The following NRXN3 variants were observed in gnomAD, a reference collection of about 807,000 sequenced individuals.
The protein encoded by NRXN3 is neurexin III.
Under a neutral mutation model 137.6 loss-of-function variants are expected in NRXN3, and 32 were observed. The ratio of observed to expected loss-of-function variants is 0.23; its 90% confidence interval spans 0.18 to 0.31. The LOEUF (loss-of-function observed/expected upper bound fraction) is 0.31. Ranked by LOEUF, NRXN3 falls within the 10% of genes least tolerant of loss-of-function variation. The pLI, the probability that NRXN3 is intolerant of heterozygous loss-of-function variation, is 1.00. For missense variants in NRXN3, 1,574 were observed against 2,062.5 expected, an observed-to-expected ratio of 0.76 and a Z score of 4.59; for synonymous variants, 798 against 784.5, an observed-to-expected ratio of 1.02 and a Z score of -0.29.
At chr14:78,593,006 A>C (rs537584608) in intron 4 of NRXN3, among the ~76,000 whole-genome samples, 1 of 152,194 alleles carries the variant, frequency 6.6e-6, no homozygotes, top group Non-Finnish European at 1.5e-5. Context: ...ATTTGTGCGC[A>C]CAGGCACTGA....
intron 8 of NRXN3, among the ~76,000 whole-genome samples, chr14:78,717,030 T>A (rs984875530): frequency 6.6e-6 from 1 of 152,202 alleles, no homozygotes. Flanking sequence ...AAGGTCATTT[T>A]TGTCTCTGAG....
chr14:78,476,954 C>A (rs1046015380), intron 4 of NRXN3, among the ~76,000 whole-genome samples: 1 of 152,110 alleles, frequency 6.6e-6, no homozygotes, highest in African/African-American at 2.4e-5. Flanking sequence ...TGTCTAGTTT[C>A]CATGCAATCT....
intron 16 of NRXN3, among the ~76,000 whole-genome samples, chr14:79,552,963 G>T (rs889140706): frequency 6.6e-6 from 1 of 151,660 alleles, no homozygotes; most frequent in Non-Finnish European, 1.5e-5. Context: ...TTCAGGGAGC[G>T]GTCAAAGACC....
At chr14:79,785,603 G>GT (rs961290683) in intron 19 of NRXN3, among the ~76,000 whole-genome samples, 12 of 151,952 alleles carry the variant, frequency 7.9e-5, no homozygotes, top group South Asian at 4.2e-4. Context: ...TCAGAGCACA[G>GT]TTTTTTTTCT....
intron 15 of NRXN3, among the ~76,000 whole-genome samples, chr14:79,212,120 CCATTTGGA>C (rs1395858715): frequency 6.6e-6 from 1 of 152,150 alleles, no homozygotes; most frequent in East Asian, 1.9e-4. Context: ...TTGTCTGCTA[CCATTTGGA>C]TGTTACTATT....
intron 4 of NRXN3, among the ~76,000 whole-genome samples, chr14:78,363,718 C>A (rs1166666454): frequency 6.6e-6 from 1 of 152,188 alleles, no homozygotes; most frequent in African/African-American, 2.4e-5. Flanking sequence ...GCTTGCTCTT[C>A]CATGCATCCA....
intron 15 of NRXN3, among the ~76,000 whole-genome samples, chr14:79,343,090 G>T (rs2092695744): frequency 6.6e-6 from 1 of 152,080 alleles, no homozygotes; most frequent in Non-Finnish European, 1.5e-5. Flanking sequence ...CAGTTTGGGT[G>T]GTGTCAGCCG....
At chr14:79,463,802 CAG>C (rs2096384448) in intron 15 of NRXN3, among the ~76,000 whole-genome samples, 1 of 152,006 alleles carries the variant, frequency 6.6e-6, no homozygotes, top group South Asian at 2.1e-4. Context: ...GTACGAGGCT[CAG>C]GGGAGAAAGC....
At position 79,365,725 on chromosome 14, in the gene NRXN3, C is replaced by CAAAAAAAAA. The variant is rs569855024; in HGVS notation, c.3263-101485_3263-101477dup. On this transcript the variant is annotated intron_variant, in intron 15 of 20. Coordinates refer to ENST00000335750, the MANE Select transcript of NRXN3 (RefSeq NM_001330195.2). ...TGGGCGACAGAGCGAGACTCTGTCT[C>CAAAAAAAAA]AAAAAAAAAAAAAAAAAAAGAAAAA... Among the ~76,000 whole-genome samples, 240 of 42,116 alleles carry CAAAAAAAAA rather than the reference C, an allele frequency of 5.7e-3. 8 individuals carry two copies. Among genetic ancestry groups the CAAAAAAAAA allele is most frequent in the East Asian group, 7.4e-3 (11 of 1,486 alleles). The allele number at this position is 42,116 out of a possible 152,430, so 27.6% of individuals were successfully genotyped here.
rs535412360 is a variant in NRXN3, at chr14:79,369,956, C to T, written c.3263-97265C>T. ...TCTGTTGAGATTTCAGTACACTTTC[C>T]GTATATGGAGTTTCTGTGTTGGTAC... is the stretch of plus-strand genomic sequence containing the variant. On this transcript the variant is annotated intron_variant, in intron 15 of 20. Transcript: ENST00000335750. Among the ~76,000 whole-genome samples, 48 of 152,256 alleles carry T rather than the reference C, an allele frequency of 3.2e-4. No individual in the cohort carries two copies. In the South Asian group the frequency reaches 8.9e-3, roughly 28 times the overall value.
In NRXN3 at chr14:79,438,796, T is replaced by C. The variant is rs17109211; in HGVS notation, c.3263-28425T>C. Among the ~76,000 whole-genome samples, 1,347 of 152,362 alleles carry C rather than the reference T, an allele frequency of 8.8e-3. 27 individuals are homozygous for C. In the East Asian group the frequency reaches 0.094, roughly 11 times the overall value. On this transcript the variant is annotated intron_variant, in intron 15 of 20. Coordinates refer to ENST00000335750, the MANE Select transcript of NRXN3 (RefSeq NM_001330195.2). ...ACTTTGTTTATGCCATTTGTGCATA[T>C]GTAGATGGAATCAAAATGTATAAGA...
chr14:78,893,364 G>C (rs2099164763), intron 10 of NRXN3, among the ~76,000 whole-genome samples: 1 of 151,906 alleles, frequency 6.6e-6, no homozygotes, highest in African/African-American at 2.4e-5. Flanking sequence ...CAGCCAGCTT[G>C]TTCTCCTTCT....
intron 8 of NRXN3, among the ~76,000 whole-genome samples, chr14:78,752,389 C>T (rs904776600): frequency 6.6e-6 from 1 of 152,192 alleles, no homozygotes; most frequent in Non-Finnish European, 1.5e-5. Flanking sequence ...GCCCACCAGC[C>T]TGAGCACAGA....
At chr14:79,381,580 T>C (rs980697145) in intron 15 of NRXN3, among the ~76,000 whole-genome samples, 3 of 152,088 alleles carry the variant, frequency 2.0e-5, no homozygotes, top group Admixed American at 2.0e-4. Flanking sequence ...GAAATTGTAT[T>C]TTTTTCTTCT....
At chr14:79,730,235 C>T (rs1176483442) in intron 19 of NRXN3, among the ~76,000 whole-genome samples, 1 of 152,160 alleles carries the variant, frequency 6.6e-6, no homozygotes, top group African/African-American at 2.4e-5. Flanking sequence ...CACAGCATCC[C>T]ACTTTGGTGA....
chr14:78,335,168 C>G (rs924895022), intron 4 of NRXN3, among the ~76,000 whole-genome samples: 2 of 152,170 alleles, frequency 1.3e-5, no homozygotes, highest in Non-Finnish European at 2.9e-5. Context: ...AGAAAACATT[C>G]TCCTGAAGTC....
At chr14:79,540,902 G>T (rs949949009) in intron 16 of NRXN3, among the ~76,000 whole-genome samples, 6 of 152,084 alleles carry the variant, frequency 3.9e-5, no homozygotes, top group South Asian at 2.1e-4. Flanking sequence ...ATCAAACAAA[G>T]ATTTTTTTTT....
At chr14:79,024,457 A>G (rs1042518624) in intron 15 of NRXN3, among the ~76,000 whole-genome samples, 1 of 152,202 alleles carries the variant, frequency 6.6e-6, no homozygotes, top group Admixed American at 6.5e-5. Flanking sequence ...TATCACATCC[A>G]CATATTCCAT....
intron 15 of NRXN3, among the ~76,000 whole-genome samples, chr14:79,173,636 A>T (rs541005484): frequency 6.6e-6 from 1 of 152,280 alleles, no homozygotes; most frequent in Admixed American, 6.5e-5. Flanking sequence ...TGAGAATTAC[A>T]AGTAGTTATA....
Sources: allele counts gnomAD v4.1 joint callset (sites outside exome capture counted in the v4.1 genomes callset), GRCh38; gene constraint gnomAD v4.1.1; transcripts MANE v1.5; gene names NCBI Gene and HGNC (gene_info 2026-07-23, HGNC 2026-07-21).